The following PPFIA2 variants were observed in gnomAD, a reference collection of about 807,000 sequenced individuals.
PPFIA2 encodes the protein liprin-alpha-2.
A neutral mutation model predicts 175.5 loss-of-function variants in PPFIA2; 46 were observed. The observed-to-expected ratio is 0.26, with a 90% confidence interval of 0.21 to 0.34. The LOEUF is 0.34. Among genes scored for constraint, PPFIA2 ranks in the 10% least tolerant of loss-of-function variants. PPFIA2 has a pLI of 1.00. For synonymous variants in PPFIA2, 568 were observed against 511.4 expected (o/e 1.11, Z -1.49); for missense variants, 1,179 against 1,506.1 (o/e 0.78, Z 3.60).
chr12:81,333,617 A>T (rs1456575459), intron 21 of PPFIA2, among the ~76,000 whole-genome samples: 1 of 144,980 alleles, frequency 6.9e-6, no homozygotes, highest in Non-Finnish European at 1.6e-5. Context: ...GAGTCACATG[A>T]ATTTTTTATT....
chr12:81,564,202 T>C (rs1481375265), intron 4 of PPFIA2, among the ~76,000 whole-genome samples: 3 of 152,204 alleles, frequency 2.0e-5, no homozygotes, highest in South Asian at 2.1e-4. Flanking sequence ...TGAACATTCA[T>C]GACATTGATC....
intron 4 of PPFIA2, among the ~76,000 whole-genome samples, chr12:81,499,502 G>A (rs116991225): frequency 0.092 from 13,927 of 152,138 alleles, 837 homozygotes; most frequent in Middle Eastern, 0.14. Flanking sequence ...ATATTTTTGA[G>A]GAACAGAGAA....
In PPFIA2 at chr12:81,263,279, A is replaced by C; in HGVS notation, c.3667T>G (p.Phe1223Val). 6.2e-7 allele frequency: 1 copy of C among 1,612,314 alleles called. No individual in the cohort carries two copies. Among genetic ancestry groups the C allele is most frequent in the South Asian group, 1.1e-5 (1 of 90,828 alleles). Residue 1223 changes from phenylalanine to valine, a missense_variant, in exon 31 of 33, where the codon TTT (phenylalanine) becomes GTT (valine). Phe to Val is a conservative substitution (Grantham distance 50). Around this residue, in one of 10 missense-constraint regions of PPFIA2, gnomAD observed 245 missense variants for 375.1 expected, o/e 0.65. Transcript: ENST00000549396. ...PGSSETLPAGFRLTTTSGQSR... is the reference protein window; with the variant it reads ...PGSSETLPAGVRLTTTSGQSR... ...TGCCCAGAGGTTGTGGTTAACCTAA[A>C]TCCAGCTGGTAATGTTTCTGAGGAC... is the stretch of plus-strand genomic sequence containing the variant.
chr12:81,644,410 T>C (rs1410029543), intron 4 of PPFIA2, among the ~76,000 whole-genome samples: 21 of 152,024 alleles, frequency 1.4e-4, no homozygotes, highest in Admixed American at 1.4e-3. Flanking sequence ...GATTAGGTCA[T>C]ATTCATAGTT....
intron 4 of PPFIA2, among the ~76,000 whole-genome samples, chr12:81,461,984 A>G (rs913804904): frequency 6.6e-6 from 1 of 151,870 alleles, no homozygotes; most frequent in African/African-American, 2.4e-5. Flanking sequence ...GTCTTAGCAT[A>G]GTTCCTGGAA....
At chr12:81,432,503 T>C (rs1286179382) in intron 7 of PPFIA2, among the ~76,000 whole-genome samples, 1 of 150,202 alleles carries the variant, frequency 6.7e-6, no homozygotes, top group Non-Finnish European at 1.5e-5. Flanking sequence ...TCTTGCTCTG[T>C]CACCCAGGTT....
chr12:81,382,355 A>G (rs1379270402), intron 9 of PPFIA2, among the ~76,000 whole-genome samples: 1 of 152,098 alleles, frequency 6.6e-6, no homozygotes, highest in Non-Finnish European at 1.5e-5. Context: ...TGTAAGTAGA[A>G]TAGGTAGTCA....
chr12:81,353,924 T>G (rs1350691656), intron 16 of PPFIA2, among the ~76,000 whole-genome samples: 1 of 152,186 alleles, frequency 6.6e-6, no homozygotes, highest in African/African-American at 2.4e-5. Context: ...TCACACAAAT[T>G]TATTGGTTTC....
intron 4 of PPFIA2, among the ~76,000 whole-genome samples, chr12:81,567,618 A>G (rs2071605061): frequency 1.3e-5 from 2 of 152,142 alleles, no homozygotes; most frequent in South Asian, 4.1e-4. Flanking sequence ...TGCATGATAA[A>G]ACTCCAGTGA....
chr12:81,339,044 A>G, intron 21 of PPFIA2, 136 bp downstream of exon 21: 1 of 821,098 alleles, frequency 1.2e-6, no homozygotes, highest in Non-Finnish European at 1.8e-6. Context: ...TTTAAAGCTA[A>G]TCAAAATATA....
chr12:81,433,055 T>C (rs2048378469), intron 7 of PPFIA2, among the ~76,000 whole-genome samples: 1 of 151,930 alleles, frequency 6.6e-6, no homozygotes, highest in African/African-American at 2.4e-5. Flanking sequence ...ACCCATAATA[T>C]TACCTTTAGT....
Position 81,740,831 on chromosome 12 carries a change from CA to C in PPFIA2, c.249+13141del, listed in dbSNP as rs577096372. Among the ~76,000 whole-genome samples the C allele has an allele frequency of 3.7e-4, 54 of 146,406 alleles. No individual in the cohort carries two copies. The South Asian group carries it at 5.6e-3, about 15-fold the overall frequency. On this transcript the variant is annotated intron_variant, in intron 3 of 32. Coordinates refer to ENST00000549396, the MANE Select transcript of PPFIA2 (RefSeq NM_003625.5). ...TGACAGAATAACAATAAGAGCAGGCCAAAAAAAAATAGAATAATTCAAATAT... is the reference window on the plus strand; with the variant it reads ...TGACAGAATAACAATAAGAGCAGGCCAAAAAAAATAGAATAATTCAAATAT...
At position 81,646,243 on chromosome 12, in the gene PPFIA2, G is replaced by A. The variant is rs936147354; in HGVS notation, c.303+30548C>T. ...TATAGTATATTGCTACAGGGGAAAG[G>A]CAGGAAATCAGCCTGTAGAAACACC... On this transcript the variant is annotated intron_variant, in intron 4 of 32. Coordinates refer to ENST00000549396, the MANE Select transcript of PPFIA2 (RefSeq NM_003625.5). Among the ~76,000 whole-genome samples the A allele has an allele frequency of 4.6e-5, 7 of 152,270 alleles. No homozygotes were observed. The South Asian group carries it at 8.3e-4, about 18-fold the overall frequency.
chr12:81,513,447 A>T (rs2062031032), intron 4 of PPFIA2, among the ~76,000 whole-genome samples: 1 of 152,032 alleles, frequency 6.6e-6, no homozygotes. Flanking sequence ...AGAAACATGC[A>T]CCTGCAAGTT....
At chr12:81,427,760 C>A (rs1438117829) in intron 7 of PPFIA2, among the ~76,000 whole-genome samples, 6 of 151,988 alleles carry the variant, frequency 3.9e-5, no homozygotes, top group Non-Finnish European at 8.8e-5. Context: ...AATAGCAATA[C>A]AACTTCAGTA....
chr12:81,280,936 A>G (rs1235433253), intron 27 of PPFIA2, among the ~76,000 whole-genome samples: 1 of 152,106 alleles, frequency 6.6e-6, no homozygotes, highest in Non-Finnish European at 1.5e-5. Flanking sequence ...ATTTTCTAAT[A>G]TAAACACATA....
intron 11 of PPFIA2, among the ~76,000 whole-genome samples, chr12:81,372,074 T>C (rs2035273862): frequency 6.6e-6 from 1 of 151,874 alleles, no homozygotes; most frequent in Non-Finnish European, 1.5e-5. Context: ...AAACTATAGT[T>C]TTAGCAATTG....
chr12:81,296,578 T>G (rs2046481710), intron 23 of PPFIA2: 1 of 150,562 alleles, frequency 6.6e-6, no homozygotes, highest in Admixed American at 6.7e-5. Flanking sequence ...TACATATTTG[T>G]TTTTGAATGT....
intron 4 of PPFIA2, among the ~76,000 whole-genome samples, chr12:81,493,515 A>G (rs2059637042): frequency 6.6e-6 from 1 of 151,998 alleles, no homozygotes; most frequent in African/African-American, 2.4e-5. Context: ...TGAGGACTTA[A>G]AATCTGTCAC....
Sources: allele counts gnomAD v4.1 joint callset (sites outside exome capture counted in the v4.1 genomes callset), GRCh38; gene constraint gnomAD v4.1.1; regional missense constraint gnomAD v4.1.1; transcripts MANE v1.5; gene names NCBI Gene and HGNC (gene_info 2026-07-23, HGNC 2026-07-21).